The following ADAM2 variants were observed in gnomAD, a reference collection of about 807,000 sequenced individuals.
ADAM2 encodes disintegrin and metalloproteinase domain-containing protein 2.
ADAM2 carries 101 observed loss-of-function variants against 99.3 expected under a neutral mutation model. The ratio of observed to expected loss-of-function variants is 1.02; its 90% CI spans 0.87 to 1.20. The LOEUF (loss-of-function observed/expected upper bound fraction) is 1.20, where lower values mean the gene tolerates loss of function less well. Among genes scored for constraint, ADAM2 ranks in the 50% most tolerant of loss-of-function variants. The pLI is 0.00. For missense variants in ADAM2, 948 were observed against 878.7 expected (o/e 1.08, Z -1.00); for synonymous variants, 323 against 287.6 (o/e 1.12, Z -1.25).
rs151070212 is a variant in ADAM2, at chr8:39,762,739, T to C, written c.1508-1458A>G. On this transcript the variant is annotated intron_variant, in intron 14 of 20. Coordinates refer to ENST00000265708, the MANE Select transcript of ADAM2 (RefSeq NM_001464.5). ...TTCAATTTATGCTTAAAATTTCTAT[T>C]CTGCCCTTTTAATTGTCTTGCCCTA... Among the ~76,000 whole-genome samples, 416 of 152,336 alleles carry C rather than the reference T, an allele frequency of 2.7e-3. 2 individuals carry two copies. The highest frequency in any genetic ancestry group is 9.6e-3 in the African/African-American group (401 of 41,574).
At chr8:39,762,497 T>C (rs930864102) in intron 14 of ADAM2, among the ~76,000 whole-genome samples, 1 of 152,228 alleles carries the variant, frequency 6.6e-6, no homozygotes, top group African/African-American at 2.4e-5. Flanking sequence ...ATTTTATGTA[T>C]CAACTTGGTT....
chr8:39,761,096 A>T, intron 15 of ADAM2, 80 bp downstream of exon 15: 1 of 825,060 alleles, frequency 1.2e-6, no homozygotes, highest in Non-Finnish European at 1.8e-6. Context: ...TATTTTGCTT[A>T]CATAAACTTA....
intron 2 of ADAM2, among the ~76,000 whole-genome samples, chr8:39,836,548 A>G (rs1459350221): frequency 2.6e-5 from 4 of 152,278 alleles, no homozygotes; most frequent in African/African-American, 9.6e-5. Flanking sequence ...CAAAAAAAAA[A>G]AATTGATGTC....
At chr8:39,762,773 AG>A (rs1413983197) in intron 14 of ADAM2, among the ~76,000 whole-genome samples, 1 of 152,204 alleles carries the variant, frequency 6.6e-6, no homozygotes, top group Non-Finnish European at 1.5e-5. Context: ...TACAGATTTC[AG>A]GCTTGCCTAG....
chr8:39,779,432 A>G (rs974681981), intron 10 of ADAM2, among the ~76,000 whole-genome samples: 1 of 152,146 alleles, frequency 6.6e-6, no homozygotes, highest in Non-Finnish European at 1.5e-5. Flanking sequence ...GAATATAGTC[A>G]CATTGGAGGT....
Position 39,785,426 on chromosome 8 carries a change from A to C in ADAM2, c.891+1548T>G, listed in dbSNP as rs547075698. 3.3e-5 allele frequency among the ~76,000 whole-genome samples: 5 copies of C among 152,340 alleles called. No individual in the cohort carries two copies. In the East Asian group the frequency reaches 5.8e-4, roughly 18 times the overall value. On this transcript the variant is annotated intron_variant, in intron 10 of 20. Coordinates refer to ENST00000265708, the MANE Select transcript of ADAM2 (RefSeq NM_001464.5). ...CTTATACACTGTTAGGGGGACTAGA[A>C]TTAGTTCAGAAACTGTGGAAAGCAG...
At chr8:39,834,113 G>A in intron 2 of ADAM2, 114 bp from the exon 3 acceptor site, 8 of 564,028 alleles carry the variant, frequency 1.4e-5, no homozygotes, top group Admixed American at 3.4e-5. Flanking sequence ...TTTAATAAAA[G>A]GAGAAAAAAT....
intron 16 of ADAM2, among the ~76,000 whole-genome samples, chr8:39,754,722 G>A (rs1156730265): frequency 1.3e-5 from 2 of 152,176 alleles, no homozygotes; most frequent in East Asian, 1.9e-4. Context: ...GGGGCTTACT[G>A]TATTCTGTTA....
At chr8:39,759,703 AAAC>A (rs1802278158) in intron 15 of ADAM2, among the ~76,000 whole-genome samples, 1 of 152,198 alleles carries the variant, frequency 6.6e-6, no homozygotes, top group Non-Finnish European at 1.5e-5. Flanking sequence ...GGAAAAATGT[AAAC>A]AACCTGTAAA....
At chr8:39,811,923 G>A (rs190991672) in intron 6 of ADAM2, among the ~76,000 whole-genome samples, 1 of 152,258 alleles carries the variant, frequency 6.6e-6, no homozygotes, top group East Asian at 1.9e-4. Flanking sequence ...GGAAGTTCTG[G>A]CCAGGGCAAT....
At chr8:39,777,559 AGAG>A (rs1803041456) in intron 10 of ADAM2, among the ~76,000 whole-genome samples, 1 of 152,100 alleles carries the variant, frequency 6.6e-6, no homozygotes, top group African/African-American at 2.4e-5. Context: ...TGGGGGATAA[AGAG>A]GAGATGGTTT....
chr8:39,758,809 T>C (rs1802246887), intron 15 of ADAM2, among the ~76,000 whole-genome samples: 1 of 151,928 alleles, frequency 6.6e-6, no homozygotes, highest in African/African-American at 2.4e-5. Context: ...TCAAAGGGAT[T>C]CCCAATAGTC....
chr8:39,804,561 A>G (rs904006585), intron 7 of ADAM2, among the ~76,000 whole-genome samples: 3 of 152,184 alleles, frequency 2.0e-5, no homozygotes, highest in Non-Finnish European at 2.9e-5. Context: ...GAAGTATAAT[A>G]TATGATGATG....
Position 39,777,060 on chromosome 8 carries a change from G to C in ADAM2, c.993C>G (p.Cys331Trp). 2 of 1,595,572 alleles carry C rather than the reference G, an allele frequency of 1.3e-6. No individual in the cohort carries two copies. Among genetic ancestry groups the C allele is most frequent in the Non-Finnish European group, 1.7e-6 (2 of 1,163,798 alleles). Residue 331 changes from cysteine to tryptophan, a missense_variant, in exon 11 of 21, where the codon TGC becomes TGG. Transcript: ENST00000265708. ...GATTCATAATGCAGACAGCTCCTGA[G>C]CACTGGCATTTGTTAATGTCATCAT... ...ITYDDINKCQ[C>W]SGAVCIMNPE...
intron 6 of ADAM2, among the ~76,000 whole-genome samples, chr8:39,818,800 A>G (rs1805057244): frequency 6.6e-6 from 1 of 152,050 alleles, no homozygotes; most frequent in African/African-American, 2.4e-5. Flanking sequence ...TAAAATTTAA[A>G]TAACATCTAA....
chr8:39,802,422 A>G (rs997614486), intron 7 of ADAM2, among the ~76,000 whole-genome samples: 7 of 152,088 alleles, frequency 4.6e-5, no homozygotes, highest in African/African-American at 7.2e-5. Flanking sequence ...CAAGTCGGCC[A>G]TCTTGGCCCC....
chr8:39,833,225 CA>C (rs2129589337), intron 3 of ADAM2, among the ~76,000 whole-genome samples: 1 of 152,094 alleles, frequency 6.6e-6, no homozygotes, highest in East Asian at 1.9e-4. Flanking sequence ...GTTATTTCTT[CA>C]AACTAGTACC....
Position 39,755,799 on chromosome 8 carries a change from C to A in ADAM2, c.1726G>T (p.Glu576Ter). The A allele has an allele frequency of 6.2e-7, 1 of 1,613,132 alleles. No homozygotes were observed. Among genetic ancestry groups the A allele is most frequent in the Non-Finnish European group, 8.5e-7 (1 of 1,179,478 alleles). ...NISGHLCIAV[E>*]FASDHADSQK... Reference sequence around the variant, plus strand: ...CTGTCTGCATGATCACTGGCAAATTCCACAGCAATGCAGAGATGTCCACTT... The same window carrying A: ...CTGTCTGCATGATCACTGGCAAATTACACAGCAATGCAGAGATGTCCACTT... Residue 576 changes from glutamate to a stop codon, truncating the protein, a stop_gained, in exon 16 of 21, where the codon GAA (glutamate) becomes TAA (stop). Coordinates refer to ENST00000265708, the MANE Select transcript of ADAM2 (RefSeq NM_001464.5). LOFTEE classifies it high-confidence loss of function.
chr8:39,771,691 A>C (rs1802785091), intron 11 of ADAM2, among the ~76,000 whole-genome samples: 1 of 152,084 alleles, frequency 6.6e-6, no homozygotes, highest in Non-Finnish European at 1.5e-5. Flanking sequence ...TGTTGGTATG[A>C]CTTTTTGTGT....
Sources: allele counts gnomAD v4.1 joint callset (sites outside exome capture counted in the v4.1 genomes callset), GRCh38; gene constraint gnomAD v4.1.1; transcripts MANE v1.5; gene names NCBI Gene and HGNC (gene_info 2026-07-23, HGNC 2026-07-21).